TMEM114: variants seen among roughly 807,000 people sequenced by gnomAD.
TMEM114 encodes the protein transmembrane protein 114.
Under a neutral mutation model 6.2 loss-of-function variants are expected in TMEM114, and 6 were observed. That is an observed-to-expected ratio of 0.97 (90% CI 0.53 to 1.91). The LOEUF is 1.91. Among genes scored for constraint, TMEM114 ranks in the 40% most tolerant of loss-of-function variants. The pLI, the probability that TMEM114 is intolerant of heterozygous loss-of-function variation, is 0.01. For synonymous variants in TMEM114, 104 were observed against 73.0 expected (o/e 1.42, Z -2.16); for missense variants, 218 against 158.3 (o/e 1.38, Z -2.02).
chr16:8,538,036 C>T lies in TMEM114; in HGVS notation n.213-210G>A, dbSNP rs528693936. Among the ~76,000 whole-genome samples the T allele has an allele frequency of 6.1e-5, 9 of 147,948 alleles. No individual in the cohort carries two copies. The East Asian group carries it at 1.8e-3, about 29-fold the overall frequency. On this transcript the variant is annotated intron_variant and non_coding_transcript_variant, in intron 2 of 2. Coordinates refer to the TMEM114 transcript ENST00000623677. Reference sequence around the variant, plus strand: ...CCCTGAGACTGGGCGCCGTGACTTACACCTGTAATCCTGGCACTTTGTGAG... The same window carrying T: ...CCCTGAGACTGGGCGCCGTGACTTATACCTGTAATCCTGGCACTTTGTGAG...
chr16:8,537,378 G>A (rs1023902853), downstream of TMEM114, among the ~76,000 whole-genome samples: 2 of 152,160 alleles, frequency 1.3e-5, no homozygotes, highest in Non-Finnish European at 2.9e-5. Flanking sequence ...GCACACGCCT[G>A]TAGTCCCAGC....
chr16:8,531,960 A>G, the TMEM114 span: 1 of 152,228 alleles, frequency 6.6e-6, no homozygotes, highest in Non-Finnish European at 1.5e-5. Flanking sequence ...AGTTGAATTC[A>G]TAACAGCTCT....
rs1275955782 is a variant in TMEM114 at position 8,563,162 on chromosome 16, T to C, written n.213-25336A>G. On this transcript the variant is annotated intron_variant and non_coding_transcript_variant, in intron 2 of 2. Transcript: ENST00000623677. Reference sequence around the variant, plus strand: ...GTAAATGAGTGACTGAATGAGTGAGTGAGTGAGTAAATGAGTGAGTGAATG... The same window carrying C: ...GTAAATGAGTGACTGAATGAGTGAGCGAGTGAGTAAATGAGTGAGTGAATG... Among the ~76,000 whole-genome samples, 6 of 147,270 alleles carry C rather than the reference T, an allele frequency of 4.1e-5. 1 individual carries two copies. Among genetic ancestry groups the C allele is most frequent in the African/African-American group, 1.5e-4 (6 of 39,026 alleles).
At chr16:8,571,722 T>A (rs1237991550) in intron 3 of TMEM114, among the ~76,000 whole-genome samples, 1 of 152,092 alleles carries the variant, frequency 6.6e-6, no homozygotes, top group Non-Finnish European at 1.5e-5. Flanking sequence ...CAAAGCAGTA[T>A]CTATCAGAAT....
At chr16:8,565,049 G>GTGAGTGAGTGAGTGAA (rs1273047313), downstream of TMEM114, among the ~76,000 whole-genome samples, 3 of 93,196 alleles carry the variant, frequency 3.2e-5, no homozygotes, top group African/African-American at 1.1e-4. Flanking sequence ...GAGTGAATGA[G>GTGAGTGAGTGAGTGAA]TGAGTGAGTG....
the TMEM114 span, among the ~76,000 whole-genome samples, chr16:8,532,250 G>A: frequency 7.2e-5 from 11 of 152,100 alleles, no homozygotes; most frequent in African/African-American, 2.4e-4. Context: ...TTAAATGAAC[G>A]TAACTCCTAG....
At chr16:8,561,931 A>C (rs982337348) in intron 2 of TMEM114, among the ~76,000 whole-genome samples, 9 of 151,260 alleles carry the variant, frequency 6.0e-5, no homozygotes, top group Non-Finnish European at 1.2e-4. Context: ...TGAATGAGTG[A>C]GTGAGTAAGT....
At chr16:8,555,460 C>G (rs1401177653) in intron 2 of TMEM114, among the ~76,000 whole-genome samples, 1 of 121,936 alleles carries the variant, frequency 8.2e-6, no homozygotes, top group Non-Finnish European at 1.7e-5. Context: ...AGAAAATGAG[C>G]AGTAATTTCC....
At chr16:8,542,040 C>T in intron 2 of TMEM114, among the ~76,000 whole-genome samples, 1 of 152,132 alleles carries the variant, frequency 6.6e-6, no homozygotes, top group East Asian at 1.9e-4. Flanking sequence ...CAAGAAAAAG[C>T]ACGCCAACAT....
In TMEM114 at chr16:8,558,849, T is replaced by C. The variant is rs1198770821; in HGVS notation, n.213-21023A>G. Among the ~76,000 whole-genome samples, 3 of 151,128 alleles carry C rather than the reference T, an allele frequency of 2.0e-5. No homozygotes were observed. In the East Asian group the frequency reaches 5.8e-4, roughly 29 times the overall value. ...CCTGCCTCCTGGGTTCAAGCAATTC[T>C]CCTGCCTCAGCCTCCCGAGTAGCTG... is the stretch of plus-strand genomic sequence containing the variant. On this transcript the variant is annotated intron_variant and non_coding_transcript_variant, in intron 2 of 2. Coordinates refer to the TMEM114 transcript ENST00000623677.
chr16:8,561,271 A>T (rs1901190596), intron 2 of TMEM114, among the ~76,000 whole-genome samples: 1 of 152,228 alleles, frequency 6.6e-6, no homozygotes, highest in Admixed American at 6.5e-5. Context: ...TGAGCTAGTT[A>T]ATCAAGGCAA....
chr16:8,548,227 T>C (rs919242473), intron 2 of TMEM114, among the ~76,000 whole-genome samples: 1 of 152,162 alleles, frequency 6.6e-6, no homozygotes, highest in Admixed American at 6.5e-5. Flanking sequence ...CTGGATTTTC[T>C]CATTTGTGAA....
intron 2 of TMEM114, among the ~76,000 whole-genome samples, chr16:8,575,781 G>A (rs1027426641): frequency 9.9e-5 from 15 of 152,144 alleles, no homozygotes; most frequent in African/African-American, 3.4e-4. Flanking sequence ...TAATACAAGT[G>A]TTCATTGTTA....
Position 8,584,877 on chromosome 16 carries a change from G to A in TMEM114, c.301+4336C>T, listed in dbSNP as rs374504080. Among the ~76,000 whole-genome samples the A allele has an allele frequency of 3.5e-4, 51 of 144,660 alleles. No homozygotes were observed. In the East Asian group the frequency reaches 7.5e-3, roughly 21 times the overall value. The allele number at this position is 144,660 out of a possible 152,430, so 94.9% of individuals were successfully genotyped here. A position where few individuals can be genotyped will look rare whatever the true frequency, so the allele number is the denominator to read the frequency against. ...GCGGAGGTTGCAGTGAGCCGAGATC[G>A]CGCCATTGCACTCCAGCCTGGGCTA... On this transcript the variant is annotated intron_variant, in intron 2 of 3. Coordinates refer to ENST00000620492, the MANE Select transcript of TMEM114 (RefSeq NM_001146336.2).
At chr16:8,548,643 GCATTTTTTGTCCTTTTCTTGCC>G (rs1900746524) in intron 2 of TMEM114, among the ~76,000 whole-genome samples, 1 of 149,936 alleles carries the variant, frequency 6.7e-6, no homozygotes, top group African/African-American at 2.5e-5. Flanking sequence ...AATCTTATAT[GCATTTTTTGTCCTTTTCTTGCC>G]CATAGAGAAG....
chr16:8,544,318 G>C (rs766123661), intron 2 of TMEM114, among the ~76,000 whole-genome samples: 4 of 152,176 alleles, frequency 2.6e-5, no homozygotes, highest in Non-Finnish European at 5.9e-5. Context: ...AATGTTTGTT[G>C]AGCATTAACT....
At chr16:8,548,490 T>C (rs1445244248) in intron 2 of TMEM114, among the ~76,000 whole-genome samples, 1 of 152,104 alleles carries the variant, frequency 6.6e-6, no homozygotes, top group African/African-American at 2.4e-5. Flanking sequence ...TTCCTAATCG[T>C]CACCCCACAC....
chr16:8,554,820 G>C (rs1478049170), intron 2 of TMEM114, among the ~76,000 whole-genome samples: 2 of 152,168 alleles, frequency 1.3e-5, no homozygotes, highest in Non-Finnish European at 2.9e-5. Flanking sequence ...CTGAGGGTAG[G>C]CACTGATGTT....
intron 2 of TMEM114, among the ~76,000 whole-genome samples, chr16:8,560,498 G>T (rs1901164444): frequency 6.6e-6 from 1 of 152,178 alleles, no homozygotes; most frequent in Admixed American, 6.5e-5. Flanking sequence ...GCGACTAGGG[G>T]CTGGGCACAG....
Sources: gnomAD v4.1 joint callset for allele counts (sites outside exome capture counted in the v4.1 genomes callset) on GRCh38, gnomAD v4.1.1 for gene constraint, MANE v1.5 for transcripts, NCBI Gene and HGNC (gene_info 2026-07-23, HGNC 2026-07-21) for gene names.